The following DTD1 variants were observed in gnomAD, a reference collection of about 807,000 sequenced individuals.
The protein encoded by DTD1 is D-aminoacyl-tRNA deacylase 1, also known as D-tyrosyl-tRNA deacylase 1 homolog.
DTD1 carries 13 observed loss-of-function variants against 25.6 expected under a neutral mutation model. The observed-to-expected ratio is 0.51, with a 90% CI of 0.33 to 0.81. DTD1 has a LOEUF of 0.81. Among genes scored for constraint, DTD1 ranks in the 30% least tolerant of loss-of-function variants. The probability of loss-of-function intolerance (pLI) is 0.02; values close to 1 mark genes in which losing one functional copy is unlikely to be tolerated. For missense variants in DTD1, 193 were observed against 266.4 expected, an observed-to-expected ratio of 0.72 and a Z score of 1.92; for synonymous variants, 110 against 103.6, an observed-to-expected ratio of 1.06 and a Z score of -0.37.
intron 4 of DTD1, among the ~76,000 whole-genome samples, chr20:18,677,977 C>T (rs1490596315): frequency 1.3e-5 from 2 of 152,238 alleles, no homozygotes; most frequent in African/African-American, 4.8e-5. Context: ...CAACACTGCA[C>T]ACCTTGATTC....
chr20:18,684,066 C>T (rs1443431874), intron 4 of DTD1, among the ~76,000 whole-genome samples: 1 of 152,068 alleles, frequency 6.6e-6, no homozygotes, highest in Non-Finnish European at 1.5e-5. Context: ...GGAGATGTGG[C>T]TATGTGTATT....
intron 4 of DTD1, among the ~76,000 whole-genome samples, chr20:18,713,419 C>G (rs1339093691): frequency 2.0e-5 from 3 of 152,232 alleles, no homozygotes; most frequent in African/African-American, 7.2e-5. Context: ...ATTGGATGAG[C>G]AAGCCCTGCT....
intron 4 of DTD1, among the ~76,000 whole-genome samples, chr20:18,736,973 A>T (rs886338430): frequency 6.6e-6 from 1 of 152,174 alleles, no homozygotes; most frequent in Non-Finnish European, 1.5e-5. Context: ...CTCCTGCCCA[A>T]TGCCTGTGTC....
intron 4 of DTD1, among the ~76,000 whole-genome samples, chr20:18,729,723 A>G (rs950619586): frequency 6.6e-6 from 1 of 152,266 alleles, no homozygotes; most frequent in Non-Finnish European, 1.5e-5. Flanking sequence ...TGTCAAAAGC[A>G]TAACGACAAC....
At chr20:18,689,002 T>A (rs1438235990) in intron 4 of DTD1, among the ~76,000 whole-genome samples, 1 of 152,226 alleles carries the variant, frequency 6.6e-6, no homozygotes, top group African/African-American at 2.4e-5. Flanking sequence ...ATGATGGGAA[T>A]TGAAATTAGA....
At chr20:18,738,422 G>A (rs1600398263) in intron 4 of DTD1, among the ~76,000 whole-genome samples, 1 of 152,224 alleles carries the variant, frequency 6.6e-6, no homozygotes, top group East Asian at 1.9e-4. Flanking sequence ...TAAACAGTAA[G>A]GAGCCTGGTT....
chr20:18,689,090 A>T (rs976118251), intron 4 of DTD1, among the ~76,000 whole-genome samples: 1 of 152,228 alleles, frequency 6.6e-6, no homozygotes, highest in African/African-American at 2.4e-5. Context: ...GGACCGTAAT[A>T]GAGAGCTGAA....
intron 4 of DTD1, among the ~76,000 whole-genome samples, chr20:18,728,991 C>A (rs2061231509): frequency 1.3e-5 from 2 of 152,208 alleles, no homozygotes; most frequent in Non-Finnish European, 2.9e-5. Context: ...TGTACCAAAC[C>A]TACGGCCGAT....
chr20:18,647,384 G>A (rs1293437847), intron 4 of DTD1, among the ~76,000 whole-genome samples: 1 of 152,160 alleles, frequency 6.6e-6, no homozygotes, highest in African/African-American at 2.4e-5. Flanking sequence ...GGGCAGTTCC[G>A]AGAGGATGTT....
Position 18,693,286 on chromosome 20 carries a change from A to G in DTD1, c.478-50814A>G, listed in dbSNP as rs964046039. Among the ~76,000 whole-genome samples the G allele has an allele frequency of 4.6e-5, 7 of 152,302 alleles. No homozygotes were observed. The South Asian group carries it at 8.3e-4, about 18-fold the overall frequency. ...GGGAAGGGAGGGAACATTTGTTTAT[A>G]TGACTTTTATGTAAATGAAGAGAAG... On this transcript the variant is annotated intron_variant, in intron 4 of 5. Coordinates refer to ENST00000377452, the MANE Select transcript of DTD1 (RefSeq NM_080820.6).
At chr20:18,594,589 T>C (rs938949569) in intron 2 of DTD1, among the ~76,000 whole-genome samples, 6 of 152,202 alleles carry the variant, frequency 3.9e-5, no homozygotes, top group African/African-American at 1.4e-4. Flanking sequence ...GCTGGATCCA[T>C]TTATTCTGCC....
intron 4 of DTD1, among the ~76,000 whole-genome samples, chr20:18,652,658 A>G (rs1250760934): frequency 6.6e-6 from 1 of 152,196 alleles, no homozygotes; most frequent in Non-Finnish European, 1.5e-5. Flanking sequence ...GCTAGCTTTG[A>G]CATTTCCATC....
chr20:18,641,521 TTG>T lies in DTD1; in HGVS notation c.477+13308_477+13309del, dbSNP rs762686834. ...AACATTTGCTGTTTTGTATGTGTGT[TTG>T]TGTGTGTGTGTGTGTGTGTTTTCTG... is the stretch of plus-strand genomic sequence containing the variant. On this transcript the variant is annotated intron_variant, in intron 4 of 5. Transcript: ENST00000377452. Among the ~76,000 whole-genome samples, 1,342 of 149,454 alleles carry T rather than the reference TTG, an allele frequency of 9.0e-3. 18 individuals are homozygous for T. Among genetic ancestry groups the T allele is most frequent in the African/African-American group, 0.031 (1,271 of 40,548 alleles).
chr20:18,705,472 T>TGA (rs2061122583), intron 4 of DTD1, among the ~76,000 whole-genome samples: 1 of 152,128 alleles, frequency 6.6e-6, no homozygotes, highest in Non-Finnish European at 1.5e-5. Flanking sequence ...CAGTGGACAA[T>TGA]GAGAGCAGCT....
chr20:18,636,939 C>A (rs1451283057), intron 4 of DTD1, among the ~76,000 whole-genome samples: 1 of 152,106 alleles, frequency 6.6e-6, no homozygotes, highest in Non-Finnish European at 1.5e-5. Context: ...GGTCCTGGGC[C>A]CACCCAGGTT....
chr20:18,598,154 C>A (rs891012452), intron 3 of DTD1, among the ~76,000 whole-genome samples: 43 of 152,222 alleles, frequency 2.8e-4, no homozygotes, highest in African/African-American at 8.4e-4. Flanking sequence ...CCTAGCCCCC[C>A]ACCCCTCAAC....
At chr20:18,653,075 G>A (rs970246470) in intron 4 of DTD1, among the ~76,000 whole-genome samples, 1 of 152,154 alleles carries the variant, frequency 6.6e-6, no homozygotes, top group African/African-American at 2.4e-5. Context: ...CAGGTGGGTT[G>A]TGGCCACATG....
intron 5 of DTD1, among the ~76,000 whole-genome samples, chr20:18,746,033 C>T (rs779323562): frequency 6.6e-6 from 1 of 151,540 alleles, no homozygotes; most frequent in African/African-American, 2.4e-5. Context: ...ATCATTTCAA[C>T]GTGGTGACTG....
intron 4 of DTD1, among the ~76,000 whole-genome samples, chr20:18,655,415 C>T (rs1464023313): frequency 6.6e-6 from 1 of 152,126 alleles, no homozygotes; most frequent in African/African-American, 2.4e-5. Flanking sequence ...CTGTTTGTTG[C>T]AAGGGTAAGT....
Sources: allele counts gnomAD v4.1 joint callset (sites outside exome capture counted in the v4.1 genomes callset), GRCh38; gene constraint gnomAD v4.1.1; transcripts MANE v1.5; gene names NCBI Gene and HGNC (gene_info 2026-07-23, HGNC 2026-07-21).